The following CCDC7 variants were observed in gnomAD, a reference collection of about 807,000 sequenced individuals.
CCDC7 encodes the protein coiled-coil domain-containing protein 7.
In CCDC7, 183 loss-of-function variants were observed where a neutral mutation model predicts 196.9. That is an observed-to-expected ratio of 0.93 (90% CI 0.82 to 1.05). The LOEUF (loss-of-function observed/expected upper bound fraction) is 1.05. Ranked by LOEUF, CCDC7 falls within the 50% of genes least tolerant of loss-of-function variation. The pLI is 0.00. For synonymous variants in CCDC7, 525 were observed against 484.6 expected (o/e 1.08, Z -1.10); for missense variants, 1,540 against 1,482.2 (o/e 1.04, Z -0.64).
chr10:32,493,294 A>G (rs1209177465), intron 9 of CCDC7, among the ~76,000 whole-genome samples: 1 of 151,812 alleles, frequency 6.6e-6, no homozygotes, highest in African/African-American at 2.4e-5. Context: ...TCTTAGCATA[A>G]TGCCCTTCAG....
intron 24 of CCDC7, among the ~76,000 whole-genome samples, chr10:32,703,206 C>G (rs1323828379): frequency 6.6e-6 from 1 of 151,990 alleles, no homozygotes; most frequent in Non-Finnish European, 1.5e-5. Flanking sequence ...TTAGGGCAGG[C>G]CTGGTGGTGA....
chr10:32,517,000 T>C (rs1343857097), intron 9 of CCDC7, among the ~76,000 whole-genome samples: 1 of 152,222 alleles, frequency 6.6e-6, no homozygotes, highest in Non-Finnish European at 1.5e-5. Context: ...AAACATAGAT[T>C]ATTTGTTGAA....
intron 28 of CCDC7, among the ~76,000 whole-genome samples, chr10:32,755,985 T>C (rs1008597916): frequency 6.6e-6 from 1 of 151,936 alleles, no homozygotes; most frequent in Non-Finnish European, 1.5e-5. Flanking sequence ...GCCAATTCAA[T>C]CAAGTGGAAG....
intron 29 of CCDC7, among the ~76,000 whole-genome samples, chr10:32,797,117 C>T (rs946882044): frequency 1.3e-5 from 2 of 151,680 alleles, no homozygotes; most frequent in Non-Finnish European, 2.9e-5. Flanking sequence ...TGGAACCAAC[C>T]TAAATGCCCA....
intron 2 of CCDC7, among the ~76,000 whole-genome samples, chr10:32,456,044 A>G (rs1040141036): frequency 6.6e-6 from 1 of 152,204 alleles, no homozygotes; most frequent in Non-Finnish European, 1.5e-5. Context: ...CTGATGGGCC[A>G]CTTCCCAAAG....
chr10:32,766,502 G>A (rs192817415), intron 28 of CCDC7, among the ~76,000 whole-genome samples: 267 of 152,138 alleles, frequency 1.8e-3, no homozygotes, highest in Middle Eastern at 0.014. Flanking sequence ...CAGAGCCTTC[G>A]GCAAGTTCCT....
At position 32,777,858 on chromosome 10, in the gene CCDC7, C is replaced by T. The variant is rs187473461; in HGVS notation, c.2906-1119C>T. 7.8e-3 allele frequency among the ~76,000 whole-genome samples: 1,192 copies of T among 152,180 alleles called. 22 individuals are homozygous for T. Among genetic ancestry groups the T allele is most frequent in the African/African-American group, 0.027 (1,101 of 41,518 alleles). On this transcript the variant is annotated intron_variant, in intron 28 of 41. Coordinates refer to ENST00000639629, the Ensembl canonical transcript of CCDC7. ...CAGCCTGGGTGACAGAGTGAGACTCCGTCTCAAAATAATAATAATAGCCAT... is the reference window on the plus strand; with the variant it reads ...CAGCCTGGGTGACAGAGTGAGACTCTGTCTCAAAATAATAATAATAGCCAT...
chr10:32,463,446 A>G (rs866125019), intron 5 of CCDC7, among the ~76,000 whole-genome samples: 110 of 152,320 alleles, frequency 7.2e-4, no homozygotes, highest in African/African-American at 2.4e-3. Context: ...TTGATTTTCT[A>G]TAGATGAAAT....
rs12249524 is a variant in CCDC7 at position 32,844,404 on chromosome 10, C to T, written c.3353-839C>T. Among the ~76,000 whole-genome samples the T allele has an allele frequency of 3.6e-3, 547 of 151,998 alleles. 3 individuals are homozygous for T. Among genetic ancestry groups the T allele is most frequent in the African/African-American group, 0.012 (513 of 41,530 alleles). On this transcript the variant is annotated intron_variant, in intron 33 of 41. Coordinates refer to ENST00000639629, the Ensembl canonical transcript of CCDC7. ...TAATTATTTTTCTACATTATTGATA[C>T]ATACTTGATTTATAGTTACAAATCT...
At chr10:32,741,903 A>G (rs1382919360) in intron 28 of CCDC7, among the ~76,000 whole-genome samples, 2 of 152,138 alleles carry the variant, frequency 1.3e-5, no homozygotes, top group Non-Finnish European at 2.9e-5. Flanking sequence ...TCTTCCTATG[A>G]ACTGAACTTT....
At position 32,848,587 on chromosome 10, in the gene CCDC7, T is replaced by G. The variant is rs2488294; in HGVS notation, c.3773-9T>G. ...TTCATGCACTTTTTCTTTTAAAATT[T>G]TATTTTAGATGTGAACTTATTTAAA... On this transcript the variant is annotated splice_polypyrimidine_tract_variant and intron_variant, in intron 38 of 41. Coordinates refer to ENST00000639629, the Ensembl canonical transcript of CCDC7. 0.42 allele frequency: 589,584 copies of G among 1,413,934 alleles called. 134,110 individuals are homozygous for G. The highest frequency in any genetic ancestry group is 0.46 in the Non-Finnish European group (463,260 of 997,446). 87.6% of individuals were successfully genotyped at this position (1,413,934 alleles called of 1,614,324 possible). A position where few individuals can be genotyped will look rare whatever the true frequency, so the allele number is the denominator to read the frequency against.
chr10:32,636,815 C>T (rs1002776991), intron 20 of CCDC7, among the ~76,000 whole-genome samples: 2 of 152,222 alleles, frequency 1.3e-5, no homozygotes, highest in Non-Finnish European at 2.9e-5. Flanking sequence ...CAGACTTCCA[C>T]AATGGTTTAA....
chr10:32,851,538 C>T (rs2093564146), intron 39 of CCDC7, among the ~76,000 whole-genome samples: 1 of 152,114 alleles, frequency 6.6e-6, no homozygotes. Flanking sequence ...TTGGATAGAA[C>T]ATTGTGTAAT....
intron 6 of CCDC7, 144 bp downstream of exon 7, chr10:32,471,374 T>A: frequency 1.0e-6 from 1 of 989,474 alleles, no homozygotes; most frequent in Non-Finnish European, 1.4e-6. Flanking sequence ...TGTTTCTATT[T>A]GCAATTTTAA....
chr10:32,577,272 GA>G (rs1375931105), intron 16 of CCDC7, among the ~76,000 whole-genome samples: 29 of 152,082 alleles, frequency 1.9e-4, no homozygotes, highest in Non-Finnish European at 2.8e-4. Flanking sequence ...TGAGGCAGAG[GA>G]ATCACTTGAA....
upstream of CCDC7, among the ~76,000 whole-genome samples, chr10:32,450,503 A>T (rs1055441631): frequency 2.6e-5 from 4 of 152,196 alleles, no homozygotes; most frequent in African/African-American, 9.7e-5. Context: ...CAGATAACAG[A>T]GTACCAGTGT....
intron 24 of CCDC7, among the ~76,000 whole-genome samples, chr10:32,707,451 G>C (rs2504346): frequency 0.34 from 52,143 of 152,066 alleles, 11,339 homozygotes; most frequent in Non-Finnish European, 0.49. Context: ...ATTCAACATA[G>C]TATTGGAAGT....
intron 24 of CCDC7, among the ~76,000 whole-genome samples, chr10:32,704,960 C>G (rs1409475900): frequency 3.3e-5 from 5 of 152,168 alleles, no homozygotes; most frequent in African/African-American, 9.6e-5. Context: ...CTTGCACTTC[C>G]CGGGTGAGGC....
chr10:32,567,530 C>G (rs1352793262), intron 14 of CCDC7, 140 bp from the exon 16 acceptor site: 2 of 947,326 alleles, frequency 2.1e-6, no homozygotes, highest in Non-Finnish European at 1.5e-6. Context: ...ATAGCAATAG[C>G]TTACCTTTGC....
Sources: gnomAD v4.1 joint callset for allele counts (sites outside exome capture counted in the v4.1 genomes callset) on GRCh38, gnomAD v4.1.1 for gene constraint, MANE v1.5 for transcripts, NCBI Gene and HGNC (gene_info 2026-07-23, HGNC 2026-07-21) for gene names.